UGT1A8: variants seen among roughly 807,000 people sequenced by gnomAD.
The protein encoded by UGT1A8 is UDP-glucuronosyltransferase 1A8.
Under a neutral mutation model 45.3 loss-of-function variants are expected in UGT1A8, and 39 were observed. The ratio of observed to expected loss-of-function variants is 0.86; its 90% CI spans 0.67 to 1.12. The LOEUF is 1.12. UGT1A8 is among the 50% of genes most tolerant of loss of function. The pLI is 0.00. For missense variants in UGT1A8, 719 were observed against 664.9 expected (o/e 1.08, Z -0.90); for synonymous variants, 275 against 249.2 (o/e 1.10, Z -0.97).
rs758873309 is a variant in UGT1A8 at position 233,767,044 on chromosome 2, C to G, written c.866C>G (p.Ala289Gly). The G allele has an allele frequency of 6.2e-7, 1 of 1,613,874 alleles. No homozygotes were observed. Among genetic ancestry groups the G allele is most frequent in the African/African-American group, 1.3e-5 (1 of 74,880 alleles). ...QGKPLPMEFE[A>G]YINASGEHGI... is the part of the protein sequence containing the mutation. ...TTCTTCTGGCTCTAGGAATTTGAAG[C>G]CTACATTAATGCTTCTGGAGAACAT... The change falls in exon 2 of 5, where the codon GCC becomes GGC. Residue 289 changes from alanine to glycine, a missense_variant. Ala to Gly is a moderately conservative substitution (Grantham distance 60). Coordinates refer to ENST00000373450, the MANE Select transcript of UGT1A8 (RefSeq NM_019076.5).
At chr2:233,623,867 C>A (rs757846672) in intron 1 of UGT1A8, among the ~76,000 whole-genome samples, 2 of 152,172 alleles carry the variant, frequency 1.3e-5, no homozygotes, top group Admixed American at 1.3e-4. Context: ...GACTCCAAGA[C>A]CATTTGCAGA....
intron 1 of UGT1A8, among the ~76,000 whole-genome samples, chr2:233,730,228 A>C (rs1452253357): frequency 2.0e-5 from 3 of 152,146 alleles, no homozygotes; most frequent in East Asian, 3.9e-4. Flanking sequence ...TTGTAAAAGG[A>C]TGGACAAGGA....
chr2:233,725,753 T>G (rs2077473127), intron 1 of UGT1A8, among the ~76,000 whole-genome samples: 1 of 152,188 alleles, frequency 6.6e-6, no homozygotes, highest in Non-Finnish European at 1.5e-5. Flanking sequence ...GTAAGAGACT[T>G]ACATTTTCTT....
At chr2:233,715,160 A>T (rs1169794492) in intron 1 of UGT1A8, among the ~76,000 whole-genome samples, 1 of 152,210 alleles carries the variant, frequency 6.6e-6, no homozygotes, top group Non-Finnish European at 1.5e-5. Flanking sequence ...TGCTGGAATT[A>T]CAGGCGCGAG....
intron 1 of UGT1A8, among the ~76,000 whole-genome samples, chr2:233,627,604 T>C (rs2073106667): frequency 6.8e-6 from 1 of 146,192 alleles, no homozygotes; most frequent in Non-Finnish European, 1.5e-5. Context: ...TCTTCATGAA[T>C]CTCCCTTCCT....
intron 1 of UGT1A8, among the ~76,000 whole-genome samples, chr2:233,669,288 CT>C (rs2074135283): frequency 6.6e-6 from 1 of 151,318 alleles, no homozygotes; most frequent in South Asian, 2.1e-4. Context: ...GTTATTTTTG[CT>C]ATTGTAGGTC....
At chr2:233,644,117 C>T in intron 1 of UGT1A8, among the ~76,000 whole-genome samples, 1 of 152,158 alleles carries the variant, frequency 6.6e-6, no homozygotes, top group Non-Finnish European at 1.5e-5. Context: ...CTAGTACAGC[C>T]CTAGAACTCA....
intron 1 of UGT1A8, chr2:233,648,009 C>T (rs1322599368): frequency 5.6e-6 from 9 of 1,605,664 alleles, no homozygotes; most frequent in Non-Finnish European, 7.7e-6. Context: ...TGGTTGTAGT[C>T]AGGCCAGAGG....
At chr2:233,670,441 T>G (rs2074159895) in intron 1 of UGT1A8, among the ~76,000 whole-genome samples, 1 of 152,256 alleles carries the variant, frequency 6.6e-6, no homozygotes, top group South Asian at 2.1e-4. Flanking sequence ...CCCATTTGCT[T>G]TAGTTTCAGT....
intron 1 of UGT1A8, among the ~76,000 whole-genome samples, chr2:233,624,381 T>C (rs1422102302): frequency 1.3e-5 from 2 of 152,142 alleles, no homozygotes; most frequent in East Asian, 1.9e-4. Context: ...CTGACATTTT[T>C]ATCATGGTTA....
Position 233,617,705 on chromosome 2 carries a change from C to G in UGT1A8, c.-3C>G. On this transcript the variant is annotated 5_prime_UTR_variant, in exon 1 of 5. Transcript: ENST00000373450. Reference sequence around the variant, plus strand: ...AGCTGCTGGCTCGGGCTGCAGTTCTCTCATGGCTCGCACAGGGTGGACCAG... The same window carrying G: ...AGCTGCTGGCTCGGGCTGCAGTTCTGTCATGGCTCGCACAGGGTGGACCAG... 1 of 1,610,964 alleles carries G rather than the reference C, an allele frequency of 6.2e-7. No homozygotes were observed. The highest frequency in any genetic ancestry group is 1.1e-5 in the South Asian group (1 of 90,546).
intron 1 of UGT1A8, among the ~76,000 whole-genome samples, chr2:233,631,215 C>T (rs910037709): frequency 1.3e-5 from 2 of 152,124 alleles, no homozygotes; most frequent in Admixed American, 1.3e-4. Context: ...GTATATGTGC[C>T]ACATTTTCTT....
At position 233,618,517 on chromosome 2, in the gene UGT1A8, C is replaced by T; in HGVS notation, c.810C>T (p.Ile270=). ...DYPKPVMPNM[I]FIGGINCHQG... is the part of the protein sequence containing the mutation. The stretch of plus-strand genomic sequence containing the variant: ...CCAAACCCGTGATGCCCAATATGAT[C>T]TTCATTGGTGGTATCAACTGCCATC... The change falls in exon 1 of 5, where the codon ATC becomes ATT. Residue 270 remains isoleucine (I), a synonymous_variant. Transcript: ENST00000373450. The T allele has an allele frequency of 2.5e-6, 4 of 1,613,922 alleles. No individual in the cohort carries two copies. Among genetic ancestry groups the T allele is most frequent in the Non-Finnish European group, 2.5e-6 (3 of 1,179,858 alleles).
At chr2:233,733,652 A>C (rs2078424412) in intron 1 of UGT1A8, among the ~76,000 whole-genome samples, 1 of 152,240 alleles carries the variant, frequency 6.6e-6, no homozygotes, top group Non-Finnish European at 1.5e-5. Flanking sequence ...CCCAAGGATG[A>C]AGCCGACTTG....
chr2:233,704,953 TG>T (rs1223783947), intron 1 of UGT1A8, among the ~76,000 whole-genome samples: 1 of 152,054 alleles, frequency 6.6e-6, no homozygotes, highest in African/African-American at 2.4e-5. Flanking sequence ...CTGGCCAACA[TG>T]GTGAAACCCC....
At chr2:233,689,819 C>T in intron 1 of UGT1A8, 1 of 449,700 alleles carries the variant, frequency 2.2e-6, no homozygotes, top group Admixed American at 2.4e-5. Flanking sequence ...AACCAAACAT[C>T]TCTGGACTCT....
Position 233,769,582 on chromosome 2 carries a change from T to G in UGT1A8, c.1295+1143T>G. The G allele has an allele frequency of 6.2e-7, 1 of 1,612,842 alleles. No homozygotes were observed. Among genetic ancestry groups the G allele is most frequent in the Admixed American group, 1.7e-5 (1 of 60,012 alleles). ...TGTGAAGAGCTGGAGCATGTTCAGA[T>G]GAGAGGAGACGGAACACGGGGACAC... On this transcript the variant is annotated intron_variant, in intron 4 of 4. Coordinates refer to ENST00000373450, the MANE Select transcript of UGT1A8 (RefSeq NM_019076.5). This position sits in a 1 kb window ranked among gnomAD's most constrained non-coding sequence, Gnocchi z 4.4.
chr2:233,745,571 G>A (rs1471928952), intron 1 of UGT1A8, among the ~76,000 whole-genome samples: 1 of 151,668 alleles, frequency 6.6e-6, no homozygotes, highest in African/African-American at 2.4e-5. Flanking sequence ...ATAGCCTCTA[G>A]TGACATAACC....
chr2:233,647,914 G>A, intron 1 of UGT1A8: 2 of 1,592,938 alleles, frequency 1.3e-6, no homozygotes, highest in Non-Finnish European at 1.7e-6. Flanking sequence ...TCCAGGGAAG[G>A]TAGATCACTC....
Sources: gnomAD v4.1 joint callset for allele counts (sites outside exome capture counted in the v4.1 genomes callset) on GRCh38, gnomAD v4.1.1 for gene constraint, Gnocchi (gnomAD v3.1) non-coding constraint, MANE v1.5 for transcripts, NCBI Gene and HGNC (gene_info 2026-07-23, HGNC 2026-07-21) for gene names.